MSR1: variants seen among roughly 807,000 people sequenced by gnomAD.
MSR1 encodes the protein macrophage scavenger receptor types I and II.
In MSR1, 53 loss-of-function variants were observed where a neutral mutation model predicts 47.2. The ratio of observed to expected loss-of-function variants is 1.12; its 90% CI spans 0.90 to 1.41. The LOEUF is 1.41. Ranked by LOEUF, MSR1 falls within the 40% of genes most tolerant of loss-of-function variation. MSR1 has a pLI of 0.00. For missense variants in MSR1, 786 were observed against 546.9 expected (o/e 1.44, Z -4.36); for synonymous variants, 239 against 185.6 (o/e 1.29, Z -2.34).
chr8:16,157,893 C>T (rs933259539), intron 5 of MSR1, among the ~76,000 whole-genome samples: 2 of 151,852 alleles, frequency 1.3e-5, no homozygotes, highest in South Asian at 2.1e-4. Flanking sequence ...GATAAGAATC[C>T]GTTTTGCAAT....
Position 16,177,985 on chromosome 8 carries a change from C to A in MSR1, c.4G>T (p.Glu2Ter), listed in dbSNP as rs770653331. The A allele has an allele frequency of 3.7e-6, 6 of 1,612,696 alleles. No homozygotes were observed. The highest frequency in any genetic ancestry group is 1.6e-4 in the Middle Eastern group (1 of 6,078). The part of the protein sequence containing the change: M[E>*]QWDHFHNQQE... ...TGATTGTGAAAGTGATCCCACTGCT[C>A]CATACTTCTATGAAACAAAATGGAA... The change falls in exon 2 of 10, where the codon GAG becomes TAG. Residue 2 changes from glutamate to a stop codon, truncating the protein, a stop_gained. Transcript: ENST00000262101. LOFTEE classifies it high-confidence loss of function.
chr8:16,167,684 G>C (rs749128705), intron 4 of MSR1, among the ~76,000 whole-genome samples: 10 of 152,110 alleles, frequency 6.6e-5, no homozygotes, highest in South Asian at 4.1e-4. Flanking sequence ...GTGCTCTTCT[G>C]ACCCTATTTC....
intron 4 of MSR1, among the ~76,000 whole-genome samples, chr8:16,166,520 A>T (rs1801315760): frequency 6.6e-6 from 1 of 151,970 alleles, no homozygotes; most frequent in Non-Finnish European, 1.5e-5. Context: ...ACATTTGTCA[A>T]ATTTCAGTGG....
At chr8:16,149,962 C>T (rs554618158) in intron 7 of MSR1, among the ~76,000 whole-genome samples, 83 of 151,654 alleles carry the variant, frequency 5.5e-4, no homozygotes, top group African/African-American at 1.9e-3. Flanking sequence ...GATATAGAGA[C>T]TTTCCTCGGG....
intron 5 of MSR1, among the ~76,000 whole-genome samples, chr8:16,163,703 T>TA (rs1186203879): frequency 6.6e-6 from 1 of 151,624 alleles, no homozygotes; most frequent in East Asian, 1.9e-4. Context: ...AAGTAAGAAA[T>TA]AAAAAAGACT....
chr8:16,122,384 A>G (rs1800025076), intron 8 of MSR1, among the ~76,000 whole-genome samples: 1 of 152,132 alleles, frequency 6.6e-6, no homozygotes, highest in Non-Finnish European at 1.5e-5. Flanking sequence ...TTATTTTTAT[A>G]CAAGTCAAAT....
chr8:16,125,094 G>A (rs192412170), intron 8 of MSR1, among the ~76,000 whole-genome samples: 1 of 152,258 alleles, frequency 6.6e-6, no homozygotes. Flanking sequence ...CTTTTGGTGG[G>A]AGGCTCTGAT....
rs372845719 is a variant in MSR1, at chr8:16,164,179, G to A, written c.703C>T (p.His235Tyr). ...TCTCCTTTTATTTCCTGTTCCAAAT[G>A]CACTTGTTCTTCTTTCATAGCCATA... ...EIMAMKEEQV[H>Y]LEQEIKGEVK... is the part of the protein sequence containing the mutation. Residue 235 changes from histidine to tyrosine, a missense_variant, in exon 5 of 10, where the codon CAT becomes TAT. His to Tyr is a moderately conservative substitution (Grantham distance 83). Transcript: ENST00000262101. 1.6e-4 allele frequency: 260 copies of A among 1,612,048 alleles called. No individual in the cohort carries two copies. Among genetic ancestry groups the A allele is most frequent in the Non-Finnish European group, 2.1e-4 (253 of 1,178,704 alleles).
chr8:16,159,561 T>G (rs1178923693), intron 5 of MSR1, among the ~76,000 whole-genome samples: 3 of 151,866 alleles, frequency 2.0e-5, no homozygotes, highest in Admixed American at 1.3e-4. Flanking sequence ...CAACACATGA[T>G]AAAGGATAAA....
intron 7 of MSR1, among the ~76,000 whole-genome samples, chr8:16,146,476 A>G (rs1368369236): frequency 6.6e-6 from 1 of 152,010 alleles, no homozygotes; most frequent in African/African-American, 2.4e-5. Flanking sequence ...CACATCTCCA[A>G]CCCTTATCAA....
chr8:16,179,265 C>A (rs1055187576), intron 1 of MSR1, among the ~76,000 whole-genome samples: 18 of 152,104 alleles, frequency 1.2e-4, no homozygotes, highest in African/African-American at 2.2e-4. Context: ...TTACAAAAGT[C>A]AATTTTCCCA....
At chr8:16,175,760 T>G (rs1801627465) in intron 2 of MSR1, among the ~76,000 whole-genome samples, 2 of 152,252 alleles carry the variant, frequency 1.3e-5, no homozygotes, top group South Asian at 4.1e-4. Context: ...AATAATTTTC[T>G]TGTTCAATTC....
chr8:16,111,448 G>A (rs992057266), intron 9 of MSR1, among the ~76,000 whole-genome samples: 2 of 152,132 alleles, frequency 1.3e-5, no homozygotes, highest in Non-Finnish European at 2.9e-5. Flanking sequence ...ATTGTATTTT[G>A]TAGGTCTACT....
At chr8:16,180,342 G>C (rs76739187) in intron 1 of MSR1, among the ~76,000 whole-genome samples, 2 of 152,100 alleles carry the variant, frequency 1.3e-5, no homozygotes, top group Non-Finnish European at 2.9e-5. Context: ...CATTGGAAAG[G>C]TTTGATAAAA....
At chr8:16,114,299 GA>G (rs1799827861) in intron 9 of MSR1, among the ~76,000 whole-genome samples, 1 of 151,714 alleles carries the variant, frequency 6.6e-6, no homozygotes, top group African/African-American at 2.4e-5. Flanking sequence ...AAAAAGCAAA[GA>G]AAAGACAGCT....
chr8:16,160,232 A>C (rs1801124524), intron 5 of MSR1, among the ~76,000 whole-genome samples: 1 of 152,062 alleles, frequency 6.6e-6, no homozygotes, highest in African/African-American at 2.4e-5. Context: ...TCATAAGAAT[A>C]ATTTATACGA....
chr8:16,183,340 C>G (rs1431934054), intron 1 of MSR1, among the ~76,000 whole-genome samples: 2 of 151,806 alleles, frequency 1.3e-5, no homozygotes, highest in African/African-American at 2.4e-5. Context: ...ACTCTGAACT[C>G]TGAACGAGTA....
chr8:16,146,413 T>A (rs1428766289), intron 7 of MSR1, among the ~76,000 whole-genome samples: 1 of 151,848 alleles, frequency 6.6e-6, no homozygotes. Context: ...TAACAAAAAA[T>A]GCATCTCTTC....
In MSR1 at chr8:16,163,220, G is replaced by C. The variant is rs577476555; in HGVS notation, c.817+845C>G. Among the ~76,000 whole-genome samples, 5 of 151,836 alleles carry C rather than the reference G, an allele frequency of 3.3e-5. No homozygotes were observed. In the East Asian group the frequency reaches 9.7e-4, roughly 29 times the overall value. On this transcript the variant is annotated intron_variant, in intron 5 of 9. Transcript: ENST00000262101. ...AAAGTGGCAATACAGCAAAGCAAAA[G>C]AAACATAAAATAAACTGGAAAAAAC...
Sources: gnomAD v4.1 joint callset for allele counts (sites outside exome capture counted in the v4.1 genomes callset) on GRCh38, gnomAD v4.1.1 for gene constraint, MANE v1.5 for transcripts, NCBI Gene and HGNC (gene_info 2026-07-23, HGNC 2026-07-21) for gene names.